Variants in TYW1B observed in about 807,000 individuals in gnomAD.
TYW1B encodes tRNA-yW synthesizing protein 1 homolog B, also known as S-adenosyl-L-methionine-dependent tRNA 4-demethylwyosine synthase TYW1B.
Under a neutral mutation model 86.9 loss-of-function variants are expected in TYW1B, and 73 were observed. That is an observed-to-expected ratio of 0.84 (90% confidence interval 0.70 to 1.02). The LOEUF (loss-of-function observed/expected upper bound fraction) is 1.02. Among genes scored for constraint, TYW1B ranks in the 50% least tolerant of loss-of-function variants. The probability of loss-of-function intolerance (pLI) is 0.00; values close to 1 mark genes in which losing one functional copy is unlikely to be tolerated. For missense variants in TYW1B, 637 were observed against 827.4 expected (o/e 0.77, Z 2.82); for synonymous variants, 248 against 292.8 (o/e 0.85, Z 1.56).
chr7:72,735,314 A>G (rs1448205333), intron 8 of TYW1B, among the ~76,000 whole-genome samples: 7 of 152,188 alleles, frequency 4.6e-5, no homozygotes, highest in Admixed American at 4.6e-4. Context: ...TCACGCCTGT[A>G]ATCCCAGCAC....
chr7:72,799,252 G>C (rs1788362541), intron 6 of TYW1B, among the ~76,000 whole-genome samples: 1 of 150,642 alleles, frequency 6.6e-6, no homozygotes, highest in Admixed American at 6.7e-5. Flanking sequence ...TCTGCCGCCA[G>C]GGTTCAAAAG....
At chr7:72,578,024 C>A (rs371098722) in intron 13 of TYW1B, among the ~76,000 whole-genome samples, 1 of 152,172 alleles carries the variant, frequency 6.6e-6, no homozygotes, top group Non-Finnish European at 1.5e-5. Flanking sequence ...GCATTCCACC[C>A]CACCAAGCCT....
chr7:72,585,391 A>G (rs1453053123), intron 13 of TYW1B, among the ~76,000 whole-genome samples: 2 of 152,238 alleles, frequency 1.3e-5, no homozygotes. Flanking sequence ...TAGCATCAAC[A>G]TTGGAGGTGG....
Position 72,633,858 on chromosome 7 carries a change from T to G in TYW1B, c.1507-4861A>C, listed in dbSNP as rs529095179. Among the ~76,000 whole-genome samples, 172 of 152,268 alleles carry G rather than the reference T, an allele frequency of 1.1e-3. 1 individual carries two copies. The highest frequency in any genetic ancestry group is 7.9e-3 in the South Asian group (38 of 4,830). ...TTTTAGCTATTATAAAACAATGTGG[T>G]TATCTCTTTGAACACCAGAGTTTAG... On this transcript the variant is annotated intron_variant, in intron 11 of 13. Transcript: ENST00000620995.
intron 12 of TYW1B, among the ~76,000 whole-genome samples, chr7:72,627,796 G>A (rs1319154690): frequency 6.6e-6 from 1 of 151,916 alleles, no homozygotes; most frequent in Non-Finnish European, 1.5e-5. Context: ...TCTAACTATA[G>A]GCACCAATCC....
intron 5 of TYW1B, among the ~76,000 whole-genome samples, chr7:72,804,894 A>G (rs1788466939): frequency 6.6e-6 from 1 of 151,980 alleles, no homozygotes; most frequent in Non-Finnish European, 1.5e-5. Context: ...CCTGTCCTAG[A>G]CTCTCCTTGA....
At chr7:72,619,969 G>A (rs1370705718) in intron 12 of TYW1B, among the ~76,000 whole-genome samples, 1 of 152,154 alleles carries the variant, frequency 6.6e-6, no homozygotes, top group South Asian at 2.1e-4. Context: ...ATGAAACACT[G>A]AGGGGAGATT....
intron 11 of TYW1B, among the ~76,000 whole-genome samples, chr7:72,676,368 T>C (rs1554447395): frequency 1.3e-5 from 2 of 152,230 alleles, no homozygotes; most frequent in Admixed American, 6.5e-5. Context: ...ATTAGAGCTA[T>C]GATTATTAAA....
chr7:72,623,823 A>T (rs1296196613), intron 12 of TYW1B, among the ~76,000 whole-genome samples: 2 of 151,910 alleles, frequency 1.3e-5, no homozygotes, highest in Non-Finnish European at 2.9e-5. Flanking sequence ...TTTTTTTGAG[A>T]TAGAGTCTTG....
intron 11 of TYW1B, among the ~76,000 whole-genome samples, chr7:72,631,269 T>C (rs1438120199): frequency 2.0e-5 from 3 of 152,104 alleles, no homozygotes; most frequent in Non-Finnish European, 4.4e-5. Flanking sequence ...TCCCAGCACT[T>C]TGGGAGGCCG....
At chr7:72,778,271 T>TA (rs1181612293) in intron 6 of TYW1B, among the ~76,000 whole-genome samples, 1 of 152,164 alleles carries the variant, frequency 6.6e-6, no homozygotes, top group Non-Finnish European at 1.5e-5. Context: ...TTAAATGAAA[T>TA]AAAATCACAA....
chr7:72,615,494 C>G (rs1812050152), intron 13 of TYW1B, among the ~76,000 whole-genome samples: 2 of 152,162 alleles, frequency 1.3e-5, no homozygotes, highest in South Asian at 2.1e-4. Context: ...CTAGGCTTGA[C>G]TTGATTTCTA....
intron 7 of TYW1B, among the ~76,000 whole-genome samples, chr7:72,754,325 T>C (rs1447774681): frequency 1.3e-5 from 2 of 152,078 alleles, no homozygotes; most frequent in African/African-American, 4.8e-5. Flanking sequence ...CTATTTTTAA[T>C]AGAGACGGGG....
chr7:72,773,233 T>C (rs1787897122), intron 7 of TYW1B, among the ~76,000 whole-genome samples: 1 of 152,142 alleles, frequency 6.6e-6, no homozygotes, highest in Non-Finnish European at 1.5e-5. Flanking sequence ...ACAGCACAAA[T>C]ATAAGCCAAC....
intron 7 of TYW1B, among the ~76,000 whole-genome samples, chr7:72,750,091 G>T (rs1787474452): frequency 6.6e-6 from 1 of 151,346 alleles, no homozygotes; most frequent in Non-Finnish European, 1.5e-5. Context: ...TTTTGAGATG[G>T]GGTCTTGCTA....
chr7:72,717,644 G>GACACACACACAC (rs71071905), intron 9 of TYW1B, among the ~76,000 whole-genome samples: 14 of 146,108 alleles, frequency 9.6e-5, no homozygotes, highest in African/African-American at 3.1e-4. Flanking sequence ...AGCTGTGCTT[G>GACACACACACAC]ACACACACAC....
chr7:72,592,439 C>A (rs1237671341), intron 13 of TYW1B, among the ~76,000 whole-genome samples: 2 of 152,298 alleles, frequency 1.3e-5, no homozygotes, highest in South Asian at 2.1e-4. Flanking sequence ...AAATGTTTCA[C>A]TGCAAAGAAT....
chr7:72,718,291 T>C (rs1285496152), intron 9 of TYW1B, among the ~76,000 whole-genome samples: 1 of 151,840 alleles, frequency 6.6e-6, no homozygotes, highest in Non-Finnish European at 1.5e-5. Flanking sequence ...GACCTAAAGA[T>C]GGAAATAATA....
chr7:72,632,323 A>ATACACGTATATATATATATATAT (rs1812522115), intron 11 of TYW1B, among the ~76,000 whole-genome samples: 2 of 111,282 alleles, frequency 1.8e-5, no homozygotes, highest in Non-Finnish European at 1.7e-5. Flanking sequence ...TATATATATT[A>ATACACGTATATATATATATATAT]TATATATATA....
Sources: allele counts gnomAD v4.1 joint callset (sites outside exome capture counted in the v4.1 genomes callset), GRCh38; gene constraint gnomAD v4.1.1; transcripts MANE v1.5; gene names NCBI Gene and HGNC (gene_info 2026-07-23, HGNC 2026-07-21).